Variants in NEGR1 observed in about 807,000 individuals in gnomAD.
NEGR1 encodes IgLON family member 4.
Under a neutral mutation model 40.9 loss-of-function variants are expected in NEGR1, and 10 were observed. The ratio of observed to expected loss-of-function variants is 0.24; its 90% confidence interval spans 0.15 to 0.42. The LOEUF (loss-of-function observed/expected upper bound fraction) is 0.42, where lower values mean the gene tolerates loss of function less well. NEGR1 is among the 10% of genes least tolerant of loss of function. The probability of loss-of-function intolerance (pLI) is 1.00; values close to 1 mark genes in which losing one functional copy is unlikely to be tolerated. For missense variants in NEGR1, 352 were observed against 438.9 expected, an observed-to-expected ratio of 0.80 and a Z score of 1.77; for synonymous variants, 185 against 166.8, an observed-to-expected ratio of 1.11 and a Z score of -0.84.
chr1:72,148,767 C>A (rs1266055307), intron 1 of NEGR1, among the ~76,000 whole-genome samples: 1 of 152,188 alleles, frequency 6.6e-6, no homozygotes, highest in Non-Finnish European at 1.5e-5. Flanking sequence ...ACAACAATCA[C>A]CTTTGCTCCG....
intron 1 of NEGR1, among the ~76,000 whole-genome samples, chr1:72,077,095 C>T (rs1647776399): frequency 6.6e-6 from 1 of 151,782 alleles, no homozygotes; most frequent in African/African-American, 2.4e-5. Context: ...AGGTTTCTAC[C>T]ATGTTGGCCA....
chr1:71,865,550 A>G (rs751157103), intron 2 of NEGR1, among the ~76,000 whole-genome samples: 1 of 152,112 alleles, frequency 6.6e-6, no homozygotes, highest in Non-Finnish European at 1.5e-5. Flanking sequence ...GAGCTGAACA[A>G]TAAGAACACA....
At chr1:72,126,946 T>G (rs1030321697) in intron 1 of NEGR1, among the ~76,000 whole-genome samples, 1 of 152,202 alleles carries the variant, frequency 6.6e-6, no homozygotes, top group Non-Finnish European at 1.5e-5. Context: ...ATTTTGATTA[T>G]ACTGGTCTGC....
chr1:72,066,180 A>G (rs948080406), intron 1 of NEGR1, among the ~76,000 whole-genome samples: 1 of 152,164 alleles, frequency 6.6e-6, no homozygotes, highest in Non-Finnish European at 1.5e-5. Context: ...TTATACACAT[A>G]AGAAGACTGA....
In NEGR1 at chr1:71,724,920, G is replaced by A. The variant is rs558472850; in HGVS notation, c.536-26781C>T. On this transcript the variant is annotated intron_variant, in intron 3 of 6. Coordinates refer to ENST00000357731, the MANE Select transcript of NEGR1 (RefSeq NM_173808.3). ...CTCCTTTCTTCAGTGAGTCTGTGAGGCTCGACTTGGATTTCACCTCCCTAA... is the reference window on the plus strand; with the variant it reads ...CTCCTTTCTTCAGTGAGTCTGTGAGACTCGACTTGGATTTCACCTCCCTAA... Among the ~76,000 whole-genome samples the A allele has an allele frequency of 3.3e-5, 5 of 152,002 alleles. No homozygotes were observed. In the East Asian group the frequency reaches 9.7e-4, roughly 30 times the overall value.
intron 6 of NEGR1, among the ~76,000 whole-genome samples, chr1:71,513,638 G>A (rs1349348374): frequency 6.6e-6 from 1 of 152,180 alleles, no homozygotes; most frequent in Admixed American, 6.5e-5. Context: ...TTTTCATCCT[G>A]ATTTTATAGG....
chr1:72,032,259 C>T (rs752822230), intron 1 of NEGR1, among the ~76,000 whole-genome samples: 21 of 152,150 alleles, frequency 1.4e-4, no homozygotes, highest in Non-Finnish European at 2.8e-4. Flanking sequence ...CCATCATAAG[C>T]ATCCTAAATA....
intron 1 of NEGR1, among the ~76,000 whole-genome samples, chr1:72,098,843 A>G (rs1022597438): frequency 6.6e-6 from 1 of 152,164 alleles, no homozygotes; most frequent in Admixed American, 6.6e-5. Flanking sequence ...AAAAGTTTAC[A>G]TCTGTGTTAA....
At chr1:71,938,208 G>A (rs771326684) in intron 1 of NEGR1, among the ~76,000 whole-genome samples, 2 of 151,952 alleles carry the variant, frequency 1.3e-5, no homozygotes, top group African/African-American at 4.8e-5. Flanking sequence ...ACATTATTAT[G>A]TTAGAACATA....
chr1:71,758,567 A>G (rs1655823475), intron 3 of NEGR1, among the ~76,000 whole-genome samples: 1 of 152,154 alleles, frequency 6.6e-6, no homozygotes, highest in South Asian at 2.1e-4. Context: ...ATTATTCCTA[A>G]TTATGGTCAA....
chr1:71,988,353 C>A (rs1455213102), intron 1 of NEGR1, among the ~76,000 whole-genome samples: 1 of 151,832 alleles, frequency 6.6e-6, no homozygotes, highest in Non-Finnish European at 1.5e-5. Context: ...TCCTGGCTAA[C>A]AAGGTGAAAC....
intron 1 of NEGR1, among the ~76,000 whole-genome samples, chr1:72,173,194 G>C (rs1652025704): frequency 6.6e-6 from 1 of 150,570 alleles, no homozygotes; most frequent in African/African-American, 2.4e-5. Flanking sequence ...TTTTTATAGA[G>C]ACAGGGTTTT....
rs1248783867 is a variant in NEGR1 at position 72,088,572 on chromosome 1, G to T, written c.177-153261C>A. On this transcript the variant is annotated intron_variant, in intron 1 of 6. Coordinates refer to ENST00000357731, the MANE Select transcript of NEGR1 (RefSeq NM_173808.3). The stretch of plus-strand genomic sequence containing the variant: ...GGAGAACCCAGATCTGCCTTAAATA[G>T]GAGTTCAAATAGGAGTTCAAATTGG... Among the ~76,000 whole-genome samples, 4 of 151,768 alleles carry T rather than the reference G, an allele frequency of 2.6e-5. No homozygotes were observed. In the East Asian group the frequency reaches 7.7e-4, roughly 29 times the overall value.
In NEGR1 at chr1:72,234,444, C is replaced by T. The variant is rs147837151; in HGVS notation, c.176+47875G>A. On this transcript the variant is annotated intron_variant, in intron 1 of 6. Transcript: ENST00000357731. ...AAATGGGATCTGGGACCTAATTAAA[C>T]CAAGGAGCTTCTTTACAGCAAAGAA... Among the ~76,000 whole-genome samples, 1,321 of 152,020 alleles carry T rather than the reference C, an allele frequency of 8.7e-3. 21 individuals are homozygous for T. The highest frequency in any genetic ancestry group is 0.03 in the African/African-American group (1,257 of 41,458).
intron 4 of NEGR1, among the ~76,000 whole-genome samples, chr1:71,683,868 ACT>A (rs1652925450): frequency 1.3e-5 from 2 of 150,934 alleles, no homozygotes; most frequent in East Asian, 2.0e-4. Context: ...AGAAATTATG[ACT>A]CTTACAATTT....
At chr1:71,739,158 C>T (rs1655129062) in intron 3 of NEGR1, among the ~76,000 whole-genome samples, 1 of 136,764 alleles carries the variant, frequency 7.3e-6, no homozygotes, top group Admixed American at 7.8e-5. Flanking sequence ...GGGTGGATAC[C>T]ATCTAATCAG....
chr1:71,590,240 T>A (rs1649454886), intron 6 of NEGR1, among the ~76,000 whole-genome samples: 1 of 152,142 alleles, frequency 6.6e-6, no homozygotes, highest in Non-Finnish European at 1.5e-5. Flanking sequence ...CCTGCAAAGT[T>A]CTGCCCCAGA....
chr1:71,670,768 A>G (rs926910050), intron 4 of NEGR1, among the ~76,000 whole-genome samples: 8 of 150,576 alleles, frequency 5.3e-5, no homozygotes, highest in African/African-American at 2.0e-4. Context: ...TTTCAACAAC[A>G]ATTCTGTTTT....
chr1:72,281,341 A>G (rs1362532724), intron 1 of NEGR1, among the ~76,000 whole-genome samples: 1 of 152,206 alleles, frequency 6.6e-6, no homozygotes, highest in East Asian at 1.9e-4. Context: ...CCTTTTAAAA[A>G]CAGTGAGAGA....
Sources: allele counts gnomAD v4.1 joint callset (sites outside exome capture counted in the v4.1 genomes callset), GRCh38; gene constraint gnomAD v4.1.1; transcripts MANE v1.5; gene names NCBI Gene and HGNC (gene_info 2026-07-23, HGNC 2026-07-21).